The following TNS3 variants were observed in gnomAD, a reference collection of about 807,000 sequenced individuals.
TNS3 encodes the protein tensin-3.
A neutral mutation model predicts 140.9 loss-of-function variants in TNS3; 45 were observed. That is an observed-to-expected ratio of 0.32 (90% CI 0.25 to 0.41). TNS3 has a LOEUF of 0.41. TNS3 is among the 10% of genes least tolerant of loss of function. The pLI is 1.00. For synonymous variants in TNS3, 815 were observed against 788.4 expected, an observed-to-expected ratio of 1.03 and a Z score of -0.56; for missense variants, 1,716 against 1,906.7, an observed-to-expected ratio of 0.90 and a Z score of 1.86.
intron 20 of TNS3, among the ~76,000 whole-genome samples, chr7:47,337,868 AC>A (rs1219749135): frequency 6.6e-6 from 1 of 150,916 alleles, no homozygotes; most frequent in Non-Finnish European, 1.5e-5. Flanking sequence ...TTCCCCTTCT[AC>A]TCTTGCCCCT....
chr7:47,304,806 C>T, intron 21 of TNS3, 26 bp downstream of exon 21: 1 of 1,345,766 alleles, frequency 7.4e-7, no homozygotes, highest in Non-Finnish European at 9.6e-7. Context: ...GGAACTTGTG[C>T]CAAGTTTAAA....
intron 4 of TNS3, among the ~76,000 whole-genome samples, chr7:47,466,633 C>A (rs1338882313): frequency 1.3e-5 from 2 of 152,152 alleles, no homozygotes; most frequent in Non-Finnish European, 2.9e-5. Context: ...TGGTTTGATT[C>A]TGGTGAGGAC....
chr7:47,445,646 G>A (rs1162342349), intron 4 of TNS3, among the ~76,000 whole-genome samples: 1 of 152,150 alleles, frequency 6.6e-6, no homozygotes, highest in Admixed American at 6.5e-5. Context: ...GAGATCTCAT[G>A]TGACTAAAAT....
chr7:47,295,010 T>C (rs376884927), intron 24 of TNS3, among the ~76,000 whole-genome samples: 1 of 152,140 alleles, frequency 6.6e-6, no homozygotes, highest in Non-Finnish European at 1.5e-5. Flanking sequence ...TGGTGAATGG[T>C]TGTGGCTCTT....
intron 13 of TNS3, among the ~76,000 whole-genome samples, chr7:47,404,548 C>G (rs1243427338): frequency 6.6e-6 from 1 of 152,158 alleles, no homozygotes. Flanking sequence ...TGAGGCAATT[C>G]AGAAACCATC....
chr7:47,454,429 C>T (rs1171589821), intron 4 of TNS3, among the ~76,000 whole-genome samples: 1 of 152,180 alleles, frequency 6.6e-6, no homozygotes, highest in Non-Finnish European at 1.5e-5. Context: ...GTGAAACTAG[C>T]TGACAACACC....
intron 1 of TNS3, among the ~76,000 whole-genome samples, chr7:47,554,363 A>G (rs1800141072): frequency 6.6e-6 from 1 of 151,096 alleles, no homozygotes; most frequent in African/African-American, 2.4e-5. Flanking sequence ...GGTTGCAGTG[A>G]GCTGAGATTG....
intron 27 of TNS3, among the ~76,000 whole-genome samples, chr7:47,291,022 T>TA (rs934306910): frequency 2.3e-4 from 35 of 151,990 alleles, no homozygotes; most frequent in African/African-American, 8.0e-4. Flanking sequence ...TATCAAGCCA[T>TA]AAAAACACAT....
chr7:47,437,214 A>G, intron 7 of TNS3, 49 bp downstream of exon 7: 1 of 1,312,332 alleles, frequency 7.6e-7, no homozygotes, highest in Non-Finnish European at 1.1e-6. Context: ...CAAAATAAGC[A>G]TTGTTTACAT....
chr7:47,579,892 C>A, intron 1 of TNS3: 3 of 981,522 alleles, frequency 3.1e-6, no homozygotes, highest in Non-Finnish European at 3.6e-6. Flanking sequence ...TTCAGCAACA[C>A]CTCCTGCAGT....
intron 1 of TNS3, among the ~76,000 whole-genome samples, chr7:47,573,483 G>C (rs1800605029): frequency 6.6e-6 from 1 of 152,174 alleles, no homozygotes; most frequent in Non-Finnish European, 1.5e-5. Context: ...ACCCTACCTT[G>C]TGTCTTTGTA....
At chr7:47,393,545 C>T (rs1467089818) in intron 16 of TNS3, among the ~76,000 whole-genome samples, 1 of 152,112 alleles carries the variant, frequency 6.6e-6, no homozygotes. Context: ...CCTGAGCTCG[C>T]TCTGAGTCCT....
chr7:47,560,406 A>G (rs1800298535), intron 1 of TNS3, among the ~76,000 whole-genome samples: 1 of 152,130 alleles, frequency 6.6e-6, no homozygotes, highest in African/African-American at 2.4e-5. Context: ...CAATTGCCCA[A>G]TCTAAGGTAT....
chr7:47,556,574 G>C (rs1213599834), intron 1 of TNS3, among the ~76,000 whole-genome samples: 1 of 152,180 alleles, frequency 6.6e-6, no homozygotes, highest in African/African-American at 2.4e-5. Context: ...TTATTATTTT[G>C]TTGGTTGTTT....
At chr7:47,420,037 A>C (rs144767348) in intron 10 of TNS3, among the ~76,000 whole-genome samples, 41 of 152,314 alleles carry the variant, frequency 2.7e-4, no homozygotes, top group African/African-American at 9.9e-4. Context: ...TAAATCGGCT[A>C]TATCTGGGCA....
chr7:47,484,903 G>A (rs778375588), intron 3 of TNS3, among the ~76,000 whole-genome samples: 41 of 152,164 alleles, frequency 2.7e-4, no homozygotes, highest in South Asian at 8.3e-4. Context: ...GGCCTTCCTC[G>A]GCACAAAGAA....
chr7:47,571,383 C>G (rs142096344), intron 1 of TNS3, among the ~76,000 whole-genome samples: 2 of 152,348 alleles, frequency 1.3e-5, no homozygotes, highest in East Asian at 1.9e-4. Context: ...AAAGCCTGCT[C>G]CCTTTCCGCT....
At chr7:47,434,341 G>A (rs1002847253) in intron 8 of TNS3, among the ~76,000 whole-genome samples, 19 of 150,064 alleles carry the variant, frequency 1.3e-4, no homozygotes, top group Admixed American at 1.3e-4. Context: ...ATCTTGAACC[G>A]TCAACACTTC....
intron 20 of TNS3, among the ~76,000 whole-genome samples, chr7:47,316,105 T>TCTCA: frequency 2.0e-5 from 1 of 49,756 alleles, no homozygotes; most frequent in Middle Eastern, 9.8e-3. Context: ...TCTCTCTCTC[T>TCTCA]CTCTCTCTCT....
Sources: allele counts gnomAD v4.1 joint callset (sites outside exome capture counted in the v4.1 genomes callset), GRCh38; gene constraint gnomAD v4.1.1; transcripts MANE v1.5; gene names NCBI Gene and HGNC (gene_info 2026-07-23, HGNC 2026-07-21).